Variants in PMF1 observed in about 807,000 individuals in gnomAD.
The protein encoded by PMF1 is polyamine modulated factor 1.
In PMF1, 21 loss-of-function variants were observed where a neutral mutation model predicts 26.7. The observed-to-expected ratio is 0.79, with a 90% CI of 0.56 to 1.13. The LOEUF (loss-of-function observed/expected upper bound fraction) is 1.13, where lower values mean the gene tolerates loss of function less well. Ranked by LOEUF, PMF1 falls within the 50% of genes most tolerant of loss-of-function variation. The pLI is 0.00. For synonymous variants in PMF1, 105 were observed against 101.0 expected (o/e 1.04, Z -0.24); for missense variants, 266 against 254.9 (o/e 1.04, Z -0.30).
intron 1 of PMF1, among the ~76,000 whole-genome samples, chr1:156,225,341 T>G (rs1328696282): frequency 6.9e-6 from 1 of 145,980 alleles, no homozygotes; most frequent in Non-Finnish European, 1.5e-5. Flanking sequence ...ACAGGTGGTG[T>G]TTGGTTACAT....
At chr1:156,232,221 A>G (rs1387203363) in intron 1 of PMF1, 99 bp from the exon 2 acceptor site, 1 of 1,002,718 alleles carries the variant, frequency 1.0e-6, no homozygotes, top group Non-Finnish European at 1.6e-6. Flanking sequence ...AAGTGGACAG[A>G]GCTCAGAGTC....
At chr1:156,230,676 A>G (rs1026308714) in intron 1 of PMF1, among the ~76,000 whole-genome samples, 8 of 152,226 alleles carry the variant, frequency 5.3e-5, no homozygotes, top group African/African-American at 1.9e-4. Context: ...GGAATGAGCC[A>G]TTGGGAATAT....
At chr1:156,218,953 G>C (rs1018091737) in intron 1 of PMF1, among the ~76,000 whole-genome samples, 4 of 149,582 alleles carry the variant, frequency 2.7e-5, no homozygotes, top group Admixed American at 1.3e-4. Flanking sequence ...CGGAGTCTCG[G>C]TCTGTCCCCC....
intron 1 of PMF1, among the ~76,000 whole-genome samples, chr1:156,227,848 C>A (rs1412199603): frequency 2.6e-5 from 4 of 151,660 alleles, no homozygotes; most frequent in Non-Finnish European, 5.9e-5. Context: ...ACAGGCTGGT[C>A]TCCAACTCCT....
In PMF1 at chr1:156,213,051, C is replaced by A; in HGVS notation, c.36C>A (p.Gly12=). 1 of 1,614,224 alleles carries A rather than the reference C, an allele frequency of 6.2e-7. No individual in the cohort carries two copies. The highest frequency in any genetic ancestry group is 8.5e-7 in the Non-Finnish European group (1 of 1,180,022). The change falls in exon 1 of 5, where the codon GGC becomes GGA. Residue 12 remains glycine (G), a synonymous_variant. Transcript: ENST00000368277. ...AEASSANLGS[G]CEEKRHEGSS... Reference sequence around the variant, plus strand: ...CAAGTAGCGCCAATCTAGGCAGCGGCTGTGAGGAAAAAAGGCATGAGGGGT... The same window carrying A: ...CAAGTAGCGCCAATCTAGGCAGCGGATGTGAGGAAAAAAGGCATGAGGGGT...
chr1:156,237,446 C>CTT (rs33952725), intron 4 of PMF1, among the ~76,000 whole-genome samples: 48,370 of 123,270 alleles, frequency 0.39, 10,996 homozygotes, highest in East Asian at 0.54. Context: ...TATTTTTTGT[C>CTT]TTTTTTTTTT....
At chr1:156,236,650 C>T (rs1267527787) in intron 4 of PMF1, 167 bp downstream of exon 4, 2 of 834,448 alleles carry the variant, frequency 2.4e-6, no homozygotes, top group South Asian at 1.8e-5. Context: ...TGTGCAGTAG[C>T]CTCTGCCAGC....
At chr1:156,233,459 A>G (rs772244859) in intron 2 of PMF1, among the ~76,000 whole-genome samples, 169 bp from the exon 3 acceptor site, 2 of 151,408 alleles carry the variant, frequency 1.3e-5, no homozygotes, top group Non-Finnish European at 2.9e-5. Flanking sequence ...CGCCCAGCCT[A>G]TTTTCTTAAT....
rs772709878 is a variant in PMF1, at chr1:156,228,256, A to ATTTTTTTTTTT, written c.162-4042_162-4032dup. ...CAGGCGTGAGCCACCGCACCTGGCG[A>ATTTTTTTTTTT]TTTTTTTTTTTTTTTTTTTTTTTTT... On this transcript the variant is annotated intron_variant, in intron 1 of 4. Transcript: ENST00000368277. 4.8e-4 allele frequency among the ~76,000 whole-genome samples: 16 copies of ATTTTTTTTTTT among 33,562 alleles called. 2 individuals carry two copies. Among genetic ancestry groups the ATTTTTTTTTTT allele is most frequent in the African/African-American group, 5.1e-4 (5 of 9,756 alleles). The allele number at this position is 33,562 out of a possible 152,430, so 22.0% of individuals were successfully genotyped here. A position where few individuals can be genotyped will look rare whatever the true frequency, so the allele number is the denominator to read the frequency against.
At chr1:156,223,751 T>C (rs1007444135) in intron 1 of PMF1, 1 of 152,506 alleles carries the variant, frequency 6.6e-6, no homozygotes, top group Non-Finnish European at 1.5e-5. Flanking sequence ...TCCTGTCCTG[T>C]GGCCAGCTCC....
intron 1 of PMF1, among the ~76,000 whole-genome samples, chr1:156,218,734 A>G (rs1657914775): frequency 1.3e-5 from 2 of 151,872 alleles, no homozygotes; most frequent in African/African-American, 4.8e-5. Flanking sequence ...GTGAGCTGAG[A>G]TTGCGCCACT....
At chr1:156,218,653 G>A (rs375996457) in intron 1 of PMF1, among the ~76,000 whole-genome samples, 44 of 151,866 alleles carry the variant, frequency 2.9e-4, no homozygotes, top group East Asian at 2.0e-3. Flanking sequence ...ATGGTGGCGC[G>A]CACCTGTAGT....
intron 1 of PMF1, among the ~76,000 whole-genome samples, chr1:156,218,167 T>G (rs887475810): frequency 6.6e-6 from 1 of 152,248 alleles, no homozygotes; most frequent in African/African-American, 2.4e-5. Flanking sequence ...CTTCCTCTTC[T>G]GAGAACTGCC....
intron 2 of PMF1, among the ~76,000 whole-genome samples, chr1:156,232,950 G>T (rs1471112842): frequency 8.0e-6 from 1 of 124,998 alleles, no homozygotes; most frequent in African/African-American, 3.3e-5. Flanking sequence ...GACAGGGTCT[G>T]GCTCTGTCAC....
intron 1 of PMF1, among the ~76,000 whole-genome samples, chr1:156,213,748 T>G (rs1328487149): frequency 6.6e-6 from 1 of 152,174 alleles, no homozygotes; most frequent in Non-Finnish European, 1.5e-5. Context: ...AGGGTCGTTT[T>G]GAGAATTAAA....
At chr1:156,239,055 A>G (rs545445671) in intron 4 of PMF1, among the ~76,000 whole-genome samples, 17 of 152,286 alleles carry the variant, frequency 1.1e-4, no homozygotes, top group African/African-American at 4.1e-4. Context: ...CAAATTGGCT[A>G]GATAATGATC....
At chr1:156,231,942 G>A (rs1439598807) in intron 1 of PMF1, among the ~76,000 whole-genome samples, 1 of 152,162 alleles carries the variant, frequency 6.6e-6, no homozygotes, top group Admixed American at 6.5e-5. Flanking sequence ...CACATGCCCT[G>A]TCCTAATCCA....
intron 1 of PMF1, among the ~76,000 whole-genome samples, chr1:156,217,740 A>C (rs1330935855): frequency 6.6e-6 from 1 of 152,134 alleles, no homozygotes; most frequent in African/African-American, 2.4e-5. Flanking sequence ...AAAAAAAAAA[A>C]AAACAAAACT....
chr1:156,220,089 G>A (rs554206035), intron 1 of PMF1, among the ~76,000 whole-genome samples: 1 of 151,176 alleles, frequency 6.6e-6, no homozygotes, highest in South Asian at 2.1e-4. Flanking sequence ...TCAGCCTCCC[G>A]GGTAGCTGGG....
Sources: allele counts gnomAD v4.1 joint callset (sites outside exome capture counted in the v4.1 genomes callset), GRCh38; gene constraint gnomAD v4.1.1; transcripts MANE v1.5; gene names NCBI Gene and HGNC (gene_info 2026-07-23, HGNC 2026-07-21).